RPS9: variants seen among roughly 807,000 people sequenced by gnomAD.
RPS9 encodes small ribosomal subunit protein uS4.
In RPS9, 1 loss-of-function variant was observed where a neutral mutation model predicts 16.9. The observed-to-expected ratio is 0.06, with a 90% CI of 0.02 to 0.28. RPS9 has a LOEUF of 0.28. Among genes scored for constraint, RPS9 ranks in the 10% least tolerant of loss-of-function variants. The pLI is 1.00. For missense variants in RPS9, 137 were observed against 273.2 expected (o/e 0.50, Z 3.51); for synonymous variants, 106 against 110.9 (o/e 0.96, Z 0.28).
intron 3 of RPS9, among the ~76,000 whole-genome samples, chr19:54,203,769 A>ACT: frequency 8.5e-6 from 1 of 118,226 alleles, no homozygotes; most frequent in East Asian, 2.8e-4. Flanking sequence ...AACAACACGA[A>ACT]CTCCCCCCCC....
At chr19:54,205,507 A>G (rs568472438) in intron 3 of RPS9, among the ~76,000 whole-genome samples, 12 of 152,100 alleles carry the variant, frequency 7.9e-5, no homozygotes, top group African/African-American at 2.9e-4. Context: ...TCTCCTTAAA[A>G]GATGTAGATA....
intron 1 of RPS9, 116 bp from the exon 2 acceptor site, chr19:54,201,044 A>G: frequency 1.3e-6 from 2 of 1,489,114 alleles, no homozygotes; most frequent in Non-Finnish European, 1.8e-6. Flanking sequence ...TGACTATGAG[A>G]GCGTTGGAGG....
In RPS9 at chr19:54,205,051, T is replaced by G. The variant is rs116827448; in HGVS notation, c.221-1225T>G. ...CAGTGCCAGGAATATCAGAAGTGCC[T>G]GATGCATGTAGATCTATTTATGAAA... On this transcript the variant is annotated intron_variant, in intron 3 of 4. Coordinates refer to ENST00000302907, the MANE Select transcript of RPS9 (RefSeq NM_001013.4). Among the ~76,000 whole-genome samples, 822 of 152,338 alleles carry G rather than the reference T, an allele frequency of 5.4e-3. 4 individuals carry two copies. The highest frequency in any genetic ancestry group is 0.019 in the African/African-American group (797 of 41,578).
chr19:54,201,844 CAGAGCTAAAG>C (rs1358879391), intron 3 of RPS9: 1 of 833,790 alleles, frequency 1.2e-6, no homozygotes, highest in African/African-American at 1.7e-5. Flanking sequence ...TAGTAATGAC[CAGAGCTAAAG>C]ATAGGCCTGG....
At chr19:54,207,094 T>C (rs2077268732) in intron 4 of RPS9, 1 of 470,182 alleles carries the variant, frequency 2.1e-6, no homozygotes, top group Non-Finnish European at 3.8e-6. Context: ...TCACGATATT[T>C]CAGACTCGGA....
rs1228293428 is a variant in RPS9, at chr19:54,201,124, T to G, written c.-25-36T>G. On this transcript the variant is annotated intron_variant, in intron 1 of 4. Coordinates refer to ENST00000302907, the MANE Select transcript of RPS9 (RefSeq NM_001013.4). ...AGTTGTGGGACTGCGCAGGCGCCGT[T>G]TGGATCCCTTACGCTCACACTTCTC... is the stretch of plus-strand genomic sequence containing the variant. The G allele has an allele frequency of 3.1e-6, 5 of 1,610,856 alleles. No individual in the cohort carries two copies. The Admixed American group carries it at 5.0e-5, about 16-fold the overall frequency.
At chr19:54,200,952 G>C in intron 1 of RPS9, 64 bp downstream of exon 1, 1 of 1,406,264 alleles carries the variant, frequency 7.1e-7, no homozygotes, top group Non-Finnish European at 9.2e-7. Context: ...GGCCTTCCGA[G>C]TTTCCATGAG....
intron 4 of RPS9, chr19:54,206,880 G>A: frequency 1.6e-6 from 1 of 629,416 alleles, no homozygotes; most frequent in Non-Finnish European, 2.7e-6. Context: ...CTGTAATGTG[G>A]CACCATTGAG....
intron 4 of RPS9, 106 bp downstream of exon 4, chr19:54,206,568 G>A: frequency 6.4e-7 from 1 of 1,559,796 alleles, no homozygotes; most frequent in South Asian, 1.2e-5. Context: ...GGAGGTGATG[G>A]GTGTGAACTC....
intron 3 of RPS9, chr19:54,202,591 C>T: frequency 8.1e-6 from 8 of 985,212 alleles, no homozygotes; most frequent in Non-Finnish European, 9.6e-6. Flanking sequence ...AATGTACCAT[C>T]TTAACCATCT....
chr19:54,207,087 C>T lies in RPS9; in HGVS notation c.408-311C>T, dbSNP rs568771720. The stretch of plus-strand genomic sequence containing the variant: ...AGCTCAGTGTCAGGTGTGGGGTTCA[C>T]GATATTTCAGACTCGGAACTTGGGG... On this transcript the variant is annotated intron_variant, in intron 4 of 4. Transcript: ENST00000302907. 541 of 462,538 alleles carry T rather than the reference C, an allele frequency of 1.2e-3. 1 individual carries two copies. Among genetic ancestry groups the T allele is most frequent in the Non-Finnish European group, 1.8e-3 (473 of 259,650 alleles). The allele number at this position is 462,538 out of a possible 1,614,324, so 28.7% of individuals were successfully genotyped here. A position where few individuals can be genotyped will look rare whatever the true frequency, so the allele number is the denominator to read the frequency against.
chr19:54,205,713 C>T (rs927298152), intron 3 of RPS9, among the ~76,000 whole-genome samples: 9 of 152,034 alleles, frequency 5.9e-5, no homozygotes, highest in Admixed American at 1.3e-4. Flanking sequence ...GAATGTGGAG[C>T]GAGGGATGTA....
rs758275501 is a variant in RPS9, at chr19:54,207,590, C to T, written c.*15C>T. 20 of 1,586,166 alleles carry T rather than the reference C, an allele frequency of 1.3e-5. No homozygotes were observed. The highest frequency in any genetic ancestry group is 1.5e-5 in the Non-Finnish European group (17 of 1,165,004). On this transcript the variant is annotated 3_prime_UTR_variant, in exon 5 of 5. Transcript: ENST00000302907. ...AGGAGGATTAAGTCCACCTGTCCCT[C>T]CTGGGCTGCTGGATTGTCTCGTTTT...
chr19:54,206,914 G>A (rs1193920640), intron 4 of RPS9: 2 of 535,598 alleles, frequency 3.7e-6, no homozygotes. Flanking sequence ...ACAGAAAGAG[G>A]GCAAGATGTT....
Position 54,201,626 on chromosome 19 carries a change from A to G in RPS9, c.220+17A>G. Reference sequence around the variant, plus strand: ...TGTTCGAAGGTGCGTATGGGAGTCCACAGCAGAGGGATGGGGTGCAGGGCT... The same window carrying G: ...TGTTCGAAGGTGCGTATGGGAGTCCGCAGCAGAGGGATGGGGTGCAGGGCT... On this transcript the variant is annotated intron_variant, in intron 3 of 4. Transcript: ENST00000302907. The G allele has an allele frequency of 6.2e-7, 1 of 1,614,020 alleles. No homozygotes were observed. Among genetic ancestry groups the G allele is most frequent in the Non-Finnish European group, 8.5e-7 (1 of 1,179,976 alleles).
rs373884707 is a variant in RPS9, at chr19:54,206,280, C to T, written c.225C>T (p.Asn75=). 188 of 1,611,948 alleles carry T rather than the reference C, an allele frequency of 1.2e-4. No individual in the cohort carries two copies. In the East Asian group the frequency reaches 1.7e-3, roughly 15 times the overall value. The part of the protein sequence containing the change: ...EKDPRRLFEG[N]ALLRRLVRIG... Reference sequence around the variant, plus strand: ...GTTTCCTCCCACTCTTCCCAGGCAACGCCCTGCTGCGGCGGCTGGTCCGCA... The same window carrying T: ...GTTTCCTCCCACTCTTCCCAGGCAATGCCCTGCTGCGGCGGCTGGTCCGCA... The change falls in exon 4 of 5, where the codon AAC becomes AAT. Residue 75 remains asparagine, a synonymous_variant. Coordinates refer to ENST00000302907, the MANE Select transcript of RPS9 (RefSeq NM_001013.4).
At position 54,206,430 on chromosome 19, in the gene RPS9, C is replaced by T. The variant is rs750522259; in HGVS notation, c.375C>T (p.His125=). ...TGGGCTTGGCCAAGTCCATCCACCACGCTCGCGTGCTGATCCGCCAGCGCC... is the reference window on the plus strand; with the variant it reads ...TGGGCTTGGCCAAGTCCATCCACCATGCTCGCGTGCTGATCCGCCAGCGCC... ...FKLGLAKSIH[H]ARVLIRQRHI... is the part of the protein sequence containing the mutation. The change falls in exon 4 of 5, where the codon CAC becomes CAT. Residue 125 remains histidine, a synonymous_variant. Coordinates refer to ENST00000302907, the MANE Select transcript of RPS9 (RefSeq NM_001013.4). 13 of 1,614,162 alleles carry T rather than the reference C, an allele frequency of 8.1e-6. 1 individual carries two copies. The East Asian group carries it at 8.9e-5, about 11-fold the overall frequency.
intron 3 of RPS9, among the ~76,000 whole-genome samples, chr19:54,203,880 A>T (rs765876796): frequency 1.3e-5 from 2 of 151,326 alleles, no homozygotes; most frequent in African/African-American, 4.9e-5. Context: ...GATGACAAGG[A>T]CCTGTTTCCC....
chr19:54,201,414 A>T, intron 2 of RPS9, 73 bp from the exon 3 acceptor site: 1 of 1,608,588 alleles, frequency 6.2e-7, no homozygotes, highest in Non-Finnish European at 8.5e-7. Context: ...AGGTTTTGTG[A>T]TTCCAAAGCT....
Sources: gnomAD v4.1 joint callset for allele counts (sites outside exome capture counted in the v4.1 genomes callset) on GRCh38, gnomAD v4.1.1 for gene constraint, MANE v1.5 for transcripts, NCBI Gene and HGNC (gene_info 2026-07-23, HGNC 2026-07-21) for gene names.